DACH1: variants seen among roughly 807,000 people sequenced by gnomAD.
The protein encoded by DACH1 is dachshund homolog 1.
DACH1 carries 12 observed loss-of-function variants against 54.2 expected under a neutral mutation model. That is an observed-to-expected ratio of 0.22 (90% CI 0.14 to 0.36). DACH1 has a LOEUF of 0.36. DACH1 is among the 10% of genes least tolerant of loss of function. The pLI is 1.00. For synonymous variants in DACH1, 386 were observed against 366.2 expected (o/e 1.05, Z -0.62); for missense variants, 805 against 929.8 (o/e 0.87, Z 1.75).
chr13:71,615,397 T>C (rs966676560), intron 3 of DACH1, among the ~76,000 whole-genome samples: 8 of 152,186 alleles, frequency 5.3e-5, no homozygotes, highest in African/African-American at 1.9e-4. Context: ...AAGGAAGTCT[T>C]ATGTGCACTG....
chr13:71,654,781 T>C (rs1208337300), intron 2 of DACH1, among the ~76,000 whole-genome samples: 1 of 152,150 alleles, frequency 6.6e-6, no homozygotes, highest in African/African-American at 2.4e-5. Context: ...CTCAAATACA[T>C]ATACAGTGAT....
chr13:71,860,594 G>A (rs1326702625), intron 1 of DACH1, among the ~76,000 whole-genome samples: 2 of 151,658 alleles, frequency 1.3e-5, no homozygotes, highest in Non-Finnish European at 1.5e-5. Context: ...TGACTCACCT[G>A]TACCTATTTA....
At chr13:71,685,507 T>C (rs1286928383) in intron 1 of DACH1, among the ~76,000 whole-genome samples, 1 of 152,176 alleles carries the variant, frequency 6.6e-6, no homozygotes, top group African/African-American at 2.4e-5. Flanking sequence ...AACCTCTCGT[T>C]GGAGTTATTC....
At chr13:71,534,241 A>G (rs983658490) in intron 6 of DACH1, among the ~76,000 whole-genome samples, 2 of 152,076 alleles carry the variant, frequency 1.3e-5, no homozygotes, top group African/African-American at 4.8e-5. Flanking sequence ...ATTATTGTTT[A>G]CTTTCTTGAT....
chr13:71,699,021 T>A (rs1881974958), intron 1 of DACH1, among the ~76,000 whole-genome samples: 6 of 152,176 alleles, frequency 3.9e-5, no homozygotes, highest in Admixed American at 3.9e-4. Context: ...AGACCTTTAT[T>A]TTAGAAGTGC....
chr13:71,693,758 T>G lies in DACH1; in HGVS notation c.849-11848A>C, dbSNP rs1881660174. The stretch of plus-strand genomic sequence containing the variant: ...ACAGTGTATGGTTATACTTGTTCTA[T>G]TTTATTCTTGTTGTTCATCTCTTAC... On this transcript the variant is annotated intron_variant, in intron 1 of 10. Coordinates refer to ENST00000613252, the MANE Select transcript of DACH1 (RefSeq NM_080759.6). Among the ~76,000 whole-genome samples, 4 of 152,258 alleles carry G rather than the reference T, an allele frequency of 2.6e-5. No homozygotes were observed. The South Asian group carries it at 8.3e-4, about 32-fold the overall frequency.
Position 71,866,651 on chromosome 13 carries a change from G to T in DACH1, c.119C>A (p.Pro40Gln). The change falls in exon 1 of 11, where the codon CCG becomes CAG. Residue 40 changes from proline (P) to glutamine (Q), a missense_variant. Pro to Gln is a moderately conservative substitution (Grantham distance 76). Around this residue, in one of 3 missense-constraint regions of DACH1, gnomAD observed 305 missense variants for 308.7 expected, o/e 0.99. Coordinates refer to ENST00000613252, the MANE Select transcript of DACH1 (RefSeq NM_080759.6). ...CGCCGGGGGTCCGATGGAAGGAGCCGGAGACGAAGTCGCCGAAGAGGTGGA... is the reference window on the plus strand; with the variant it reads ...CGCCGGGGGTCCGATGGAAGGAGCCTGAGACGAAGTCGCCGAAGAGGTGGA... ...TTSTSSATSS[P>Q]APSIGPPASS... 7.0e-7 allele frequency: 1 copy of T among 1,431,596 alleles called. No individual in the cohort carries two copies. The highest frequency in any genetic ancestry group is 9.2e-7 in the Non-Finnish European group (1 of 1,084,418). 88.7% of individuals were successfully genotyped at this position (1,431,596 alleles called of 1,614,324 possible).
intron 1 of DACH1, among the ~76,000 whole-genome samples, chr13:71,829,290 T>C (rs184417270): frequency 8.9e-4 from 136 of 152,010 alleles, no homozygotes; most frequent in African/African-American, 3.2e-3. Context: ...TATGGTAGTT[T>C]CTAGATGCAA....
chr13:71,547,101 AC>A (rs1467312075), intron 6 of DACH1, among the ~76,000 whole-genome samples: 2 of 152,080 alleles, frequency 1.3e-5, no homozygotes, highest in Non-Finnish European at 2.9e-5. Context: ...AAACCTTCAA[AC>A]GAAAAAACTA....
intron 1 of DACH1, among the ~76,000 whole-genome samples, chr13:71,688,093 T>C (rs967113123): frequency 1.3e-5 from 2 of 152,222 alleles, no homozygotes; most frequent in Non-Finnish European, 2.9e-5. Context: ...TTCTAAAATA[T>C]CTGCTAAAAA....
At chr13:71,509,360 C>T (rs908581127) in intron 6 of DACH1, among the ~76,000 whole-genome samples, 1 of 151,978 alleles carries the variant, frequency 6.6e-6, no homozygotes. Flanking sequence ...TTAAAACCAA[C>T]TCATAACAAT....
At chr13:71,671,594 G>A (rs200864739) in intron 2 of DACH1, among the ~76,000 whole-genome samples, 1 of 152,160 alleles carries the variant, frequency 6.6e-6, no homozygotes, top group East Asian at 1.9e-4. Flanking sequence ...CCCTCTCAAT[G>A]TAAAATTGCC....
chr13:71,749,223 A>T (rs1884812367), intron 1 of DACH1, among the ~76,000 whole-genome samples: 1 of 151,812 alleles, frequency 6.6e-6, no homozygotes, highest in South Asian at 2.1e-4. Flanking sequence ...ATCTCAAGTG[A>T]TCCACCGCCT....
At chr13:71,688,376 T>C (rs1184703778) in intron 1 of DACH1, among the ~76,000 whole-genome samples, 5 of 152,242 alleles carry the variant, frequency 3.3e-5, no homozygotes, top group Admixed American at 3.3e-4. Flanking sequence ...TTCAGTTTCC[T>C]GAGAGGCAAC....
chr13:71,793,725 C>T (rs1036815639), intron 1 of DACH1, among the ~76,000 whole-genome samples: 3 of 152,136 alleles, frequency 2.0e-5, no homozygotes, highest in Admixed American at 2.0e-4. Context: ...TGAGGTCTCA[C>T]TATGCTGCCC....
intron 7 of DACH1, among the ~76,000 whole-genome samples, chr13:71,481,696 T>C (rs565077731): frequency 1.3e-5 from 2 of 152,314 alleles, no homozygotes; most frequent in South Asian, 2.1e-4. Flanking sequence ...CTGATGCATA[T>C]GCAAAAGTAT....
At chr13:71,742,584 C>G (rs1041290776) in intron 1 of DACH1, among the ~76,000 whole-genome samples, 1 of 152,070 alleles carries the variant, frequency 6.6e-6, no homozygotes, top group African/African-American at 2.4e-5. Context: ...GTAGTTTTCT[C>G]TGCAAAATAG....
At chr13:71,654,489 T>G (rs1878952331) in intron 2 of DACH1, among the ~76,000 whole-genome samples, 1 of 142,688 alleles carries the variant, frequency 7.0e-6, no homozygotes, top group Non-Finnish European at 1.5e-5. Context: ...TAAAATAAAA[T>G]AAAATAAAAT....
At chr13:71,463,193 GTAAAA>G (rs1192403551) in intron 10 of DACH1, among the ~76,000 whole-genome samples, 5 of 151,838 alleles carry the variant, frequency 3.3e-5, no homozygotes, top group Admixed American at 2.0e-4. Flanking sequence ...ATCGATATTA[GTAAAA>G]TAAAATCTGT....
Sources: gnomAD v4.1 joint callset for allele counts (sites outside exome capture counted in the v4.1 genomes callset) on GRCh38, gnomAD v4.1.1 for gene constraint, gnomAD v4.1.1 regional missense constraint, MANE v1.5 for transcripts, NCBI Gene and HGNC (gene_info 2026-07-23, HGNC 2026-07-21) for gene names.